Variants in SOX30 observed in about 807,000 individuals in gnomAD.
The protein encoded by SOX30 is transcription factor SOX-30.
A neutral mutation model predicts 58.6 loss-of-function variants in SOX30; 17 were observed. The ratio of observed to expected loss-of-function variants is 0.29; its 90% CI spans 0.20 to 0.44. The LOEUF is 0.44. Among genes scored for constraint, SOX30 ranks in the 20% least tolerant of loss-of-function variants. The pLI is 1.00. For missense variants in SOX30, 951 were observed against 965.8 expected (o/e 0.98, Z 0.20); for synonymous variants, 421 against 400.2 (o/e 1.05, Z -0.62).
At chr5:157,644,036 A>G (rs909359601) in intron 3 of SOX30, among the ~76,000 whole-genome samples, 4 of 152,324 alleles carry the variant, frequency 2.6e-5, no homozygotes, top group African/African-American at 9.6e-5. Context: ...TCAAAGCCAT[A>G]TGATTGGGGA....
rs528025836 is a variant in SOX30, at chr5:157,637,069, G to A, written c.1880+1161C>T. ...AATCGCTTGAACCCGGGAGGCGGAG[G>A]CTGTGGTGAGCCAAGATCGCGCCAT... On this transcript the variant is annotated intron_variant, in intron 4 of 4. Coordinates refer to ENST00000265007, the MANE Select transcript of SOX30 (RefSeq NM_178424.2). Among the ~76,000 whole-genome samples the A allele has an allele frequency of 6.0e-5, 9 of 149,904 alleles. No individual in the cohort carries two copies. In the East Asian group the frequency reaches 1.6e-3, roughly 26 times the overall value.
At chr5:157,641,244 A>G (rs1373028111) in intron 3 of SOX30, among the ~76,000 whole-genome samples, 1 of 152,160 alleles carries the variant, frequency 6.6e-6, no homozygotes, top group African/African-American at 2.4e-5. Context: ...AAAAAGAACT[A>G]GTAAGAGAAG....
intron 4 of SOX30, among the ~76,000 whole-genome samples, chr5:157,632,327 C>A (rs1301626940): frequency 6.6e-6 from 1 of 152,124 alleles, no homozygotes; most frequent in African/African-American, 2.4e-5. Flanking sequence ...CAAGAGGGAC[C>A]CTACACAGTC....
intron 4 of SOX30, among the ~76,000 whole-genome samples, chr5:157,628,779 T>C (rs917749258): frequency 6.6e-6 from 1 of 151,798 alleles, no homozygotes; most frequent in South Asian, 2.1e-4. Flanking sequence ...GTAGCTAGGA[T>C]TACAGGTGCC....
intron 4 of SOX30, among the ~76,000 whole-genome samples, chr5:157,630,311 CTATTAA>C (rs976800090): frequency 2.6e-5 from 4 of 152,130 alleles, no homozygotes; most frequent in Non-Finnish European, 4.4e-5. Flanking sequence ...GGGATAGTTA[CTATTAA>C]TATTATTTCC....
At chr5:157,629,118 CAAT>C (rs529670874) in intron 4 of SOX30, among the ~76,000 whole-genome samples, 1 of 152,074 alleles carries the variant, frequency 6.6e-6, no homozygotes, top group Non-Finnish European at 1.5e-5. Context: ...TAGTTAGCAA[CAAT>C]GTCTGGTGTA....
intron 4 of SOX30, among the ~76,000 whole-genome samples, chr5:157,628,662 G>C (rs1376769811): frequency 7.3e-6 from 1 of 137,076 alleles, no homozygotes; most frequent in East Asian, 2.1e-4. Context: ...TTTTTTTTGA[G>C]ACAGAGTCTC....
chr5:157,652,129 G>C lies in SOX30; in HGVS notation c.-51C>G, dbSNP rs1561587251. ...ATTGTGAGCTCAGCCGTTTGTTGGC[G>C]ACCTTCCCCCTCCCCCTTTCGGTTA... On this transcript the variant is annotated 5_prime_UTR_variant, in exon 1 of 5. Transcript: ENST00000265007. The C allele has an allele frequency of 1.4e-6, 2 of 1,383,332 alleles. No individual in the cohort carries two copies. The highest frequency in any genetic ancestry group is 1.9e-6 in the Non-Finnish European group (2 of 1,077,062). The allele number at this position is 1,383,332 out of a possible 1,614,324, so 85.7% of individuals were successfully genotyped here.
chr5:157,642,381 C>T (rs796225143), intron 3 of SOX30, among the ~76,000 whole-genome samples: 29 of 151,122 alleles, frequency 1.9e-4, no homozygotes, highest in African/African-American at 7.0e-4. Flanking sequence ...CTAGAAAATC[C>T]ATGAATTCAG....
intron 4 of SOX30, 84 bp from the exon 5 acceptor site, chr5:157,626,805 C>T (rs1758668832): frequency 6.9e-7 from 1 of 1,448,372 alleles, no homozygotes; most frequent in Non-Finnish European, 9.2e-7. Context: ...GTTAATGCCT[C>T]CTCTTTGGGG....
chr5:157,660,797 T>A (rs1581407639), intron 2 of SOX30, among the ~76,000 whole-genome samples: 1 of 152,208 alleles, frequency 6.6e-6, no homozygotes, highest in East Asian at 1.9e-4. Flanking sequence ...CCTTTGGATT[T>A]AAAAGATAAA....
upstream of SOX30, among the ~76,000 whole-genome samples, chr5:157,656,034 A>G (rs1347078702): frequency 6.6e-6 from 1 of 152,204 alleles, no homozygotes; most frequent in Non-Finnish European, 1.5e-5. Flanking sequence ...CTTGTCTTGT[A>G]TGTCCTTGGG....
chr5:157,635,232 T>C (rs1229227632), intron 4 of SOX30, among the ~76,000 whole-genome samples: 3 of 152,230 alleles, frequency 2.0e-5, no homozygotes, highest in Non-Finnish European at 2.9e-5. Flanking sequence ...GAAATAAAAT[T>C]CAGTATAATA....
chr5:157,640,280 AAT>A (rs1406933829), intron 3 of SOX30, among the ~76,000 whole-genome samples: 1 of 152,240 alleles, frequency 6.6e-6, no homozygotes, highest in Non-Finnish European at 1.5e-5. Context: ...GTTAATAAAA[AAT>A]AGTTAAGAAA....
intron 4 of SOX30, among the ~76,000 whole-genome samples, chr5:157,631,139 A>G (rs1028388848): frequency 6.8e-6 from 1 of 147,950 alleles, no homozygotes; most frequent in African/African-American, 2.5e-5. Context: ...GCCAGAATGC[A>G]GTGGTATGAT....
At chr5:157,649,225 CATTT>C (rs901999528) in intron 1 of SOX30, among the ~76,000 whole-genome samples, 1 of 152,078 alleles carries the variant, frequency 6.6e-6, no homozygotes, top group African/African-American at 2.4e-5. Flanking sequence ...CAATAATTAA[CATTT>C]ATTTATTTAC....
intron 4 of SOX30, among the ~76,000 whole-genome samples, chr5:157,633,986 G>T (rs768808982): frequency 1.2e-4 from 18 of 152,146 alleles, no homozygotes; most frequent in Non-Finnish European, 2.1e-4. Flanking sequence ...AGGGAGAAAA[G>T]AACTAGTCTG....
At chr5:157,628,643 C>CT (rs35972610) in intron 4 of SOX30, among the ~76,000 whole-genome samples, 9,309 of 137,646 alleles carry the variant, frequency 0.068, 931 homozygotes, top group African/African-American at 0.21. Context: ...CACTGTGCTT[C>CT]TTTTTTTTTT....
chr5:157,642,801 A>G (rs1043441128), intron 3 of SOX30, among the ~76,000 whole-genome samples: 1 of 152,220 alleles, frequency 6.6e-6, no homozygotes, highest in Non-Finnish European at 1.5e-5. Flanking sequence ...GAGAGACCTC[A>G]AAGTCAATAC....
Sources: allele counts gnomAD v4.1 joint callset (sites outside exome capture counted in the v4.1 genomes callset), GRCh38; gene constraint gnomAD v4.1.1; transcripts MANE v1.5; gene names NCBI Gene and HGNC (gene_info 2026-07-23, HGNC 2026-07-21).